APPBP2: variants seen among roughly 807,000 people sequenced by gnomAD.
APPBP2 encodes amyloid beta precursor protein binding protein 2.
Under a neutral mutation model 76.0 loss-of-function variants are expected in APPBP2, and 15 were observed. That is an observed-to-expected ratio of 0.20 (90% CI 0.13 to 0.30). The LOEUF (loss-of-function observed/expected upper bound fraction) is 0.30, where lower values mean the gene tolerates loss of function less well. Among genes scored for constraint, APPBP2 ranks in the 10% least tolerant of loss-of-function variants. The probability of loss-of-function intolerance (pLI) is 1.00; values close to 1 mark genes in which losing one functional copy is unlikely to be tolerated. For synonymous variants in APPBP2, 222 were observed against 242.2 expected, an observed-to-expected ratio of 0.92 and a Z score of 0.77; for missense variants, 401 against 687.2, an observed-to-expected ratio of 0.58 and a Z score of 4.66.
At chr17:60,456,678 C>T (rs1367296043) in intron 9 of APPBP2, among the ~76,000 whole-genome samples, 2 of 152,158 alleles carry the variant, frequency 1.3e-5, no homozygotes, top group African/African-American at 2.4e-5. Context: ...CTCACACCAA[C>T]CCTCTCCGCC....
intron 3 of APPBP2, among the ~76,000 whole-genome samples, chr17:60,483,298 G>A (rs754884338): frequency 7.2e-5 from 11 of 152,064 alleles, no homozygotes; most frequent in Non-Finnish European, 1.5e-4. Context: ...TTGTAAATTC[G>A]CTTAAGTTCT....
At chr17:60,506,814 G>A (rs536575757) in intron 1 of APPBP2, among the ~76,000 whole-genome samples, 2 of 152,192 alleles carry the variant, frequency 1.3e-5, no homozygotes. Flanking sequence ...GAGGCGGGCA[G>A]ATCACGAGGT....
chr17:60,445,462 T>G lies in APPBP2; in HGVS notation c.*2119A>C, dbSNP rs904527642. The stretch of plus-strand genomic sequence containing the variant: ...TACAGATTGAAAAAAAAACTTCATA[T>G]GGAAACATGTTTCAAAATATTTATT... On this transcript the variant is annotated 3_prime_UTR_variant, in exon 13 of 13. Transcript: ENST00000083182. 5 of 152,594 alleles carry G rather than the reference T, an allele frequency of 3.3e-5. No individual in the cohort carries two copies. Among genetic ancestry groups the G allele is most frequent in the Admixed American group, 1.3e-4 (2 of 15,272 alleles). The allele number at this position is 152,594 out of a possible 1,614,324, so 9.5% of individuals were successfully genotyped here.
intron 1 of APPBP2, among the ~76,000 whole-genome samples, chr17:60,509,801 A>G (rs961732348): frequency 2.0e-4 from 30 of 152,184 alleles, no homozygotes; most frequent in African/African-American, 6.5e-4. Flanking sequence ...CTCCATCTCA[A>G]AAAACACAAA....
intron 4 of APPBP2, among the ~76,000 whole-genome samples, chr17:60,469,840 A>G (rs1255185940): frequency 2.0e-5 from 3 of 152,194 alleles, no homozygotes. Context: ...TATAAACACT[A>G]GCACACAAAT....
chr17:60,471,078 T>C (rs2090549037), intron 4 of APPBP2, among the ~76,000 whole-genome samples: 2 of 152,168 alleles, frequency 1.3e-5, no homozygotes, highest in African/African-American at 2.4e-5. Context: ...ATTACAGGTG[T>C]GAGCCACAGG....
intron 5 of APPBP2, 95 bp downstream of exon 5, chr17:60,466,196 A>C: frequency 1.6e-6 from 2 of 1,218,322 alleles, no homozygotes; most frequent in Non-Finnish European, 2.3e-6. Context: ...TATGTAAAAG[A>C]GATCTGTAAG....
At chr17:60,490,395 G>A (rs2090718263) in intron 3 of APPBP2, among the ~76,000 whole-genome samples, 1 of 151,992 alleles carries the variant, frequency 6.6e-6, no homozygotes, top group Non-Finnish European at 1.5e-5. Flanking sequence ...GTTTAATAGA[G>A]AAAAAAGAGC....
At chr17:60,487,359 T>C (rs2090688366) in intron 3 of APPBP2, among the ~76,000 whole-genome samples, 1 of 151,594 alleles carries the variant, frequency 6.6e-6, no homozygotes, top group South Asian at 2.1e-4. Flanking sequence ...TATTTTCACA[T>C]AGTCCTGTAT....
chr17:60,495,245 CAAAGT>C (rs1036963428), intron 2 of APPBP2, among the ~76,000 whole-genome samples: 1 of 151,482 alleles, frequency 6.6e-6, no homozygotes, highest in Non-Finnish European at 1.5e-5. Flanking sequence ...CTCGGCCTCC[CAAAGT>C]GCTGGGATTA....
At chr17:60,458,189 T>TTTAGG (rs375241419) in intron 9 of APPBP2, among the ~76,000 whole-genome samples, 1 of 152,308 alleles carries the variant, frequency 6.6e-6, no homozygotes, top group African/African-American at 2.4e-5. Context: ...GCCTCAGCAC[T>TTTAGG]TTAGGAGGCC....
At chr17:60,524,610 GAAAAAAAAAAAAAAAAA>G (rs35185909) in intron 1 of APPBP2, among the ~76,000 whole-genome samples, 1 of 49,936 alleles carries the variant, frequency 2.0e-5, no homozygotes, top group Non-Finnish European at 5.2e-5. Flanking sequence ...TGCTAATTCT[GAAAAAAAAAAAAAAAAA>G]AAAAAAAAAA....
At chr17:60,470,925 G>C (rs563826434) in intron 4 of APPBP2, among the ~76,000 whole-genome samples, 108 of 152,046 alleles carry the variant, frequency 7.1e-4, no homozygotes, top group African/African-American at 2.4e-3. Context: ...TGAGTAGCTG[G>C]GATTACAGGT....
At chr17:60,485,894 G>A (rs567885578) in intron 3 of APPBP2, among the ~76,000 whole-genome samples, 5 of 152,270 alleles carry the variant, frequency 3.3e-5, no homozygotes, top group Admixed American at 6.5e-5. Context: ...ATTCTGGTTC[G>A]TTGTGTCTTT....
intron 1 of APPBP2, among the ~76,000 whole-genome samples, chr17:60,518,951 T>G (rs2090986596): frequency 6.6e-6 from 1 of 152,176 alleles, no homozygotes; most frequent in Admixed American, 6.5e-5. Context: ...TAAAATTATT[T>G]TTACATTACC....
intron 1 of APPBP2, among the ~76,000 whole-genome samples, chr17:60,510,751 A>G (rs1314985320): frequency 6.6e-6 from 1 of 152,168 alleles, no homozygotes; most frequent in Non-Finnish European, 1.5e-5. Flanking sequence ...GTACTCTGAA[A>G]AACATTATAT....
At chr17:60,448,335 T>C (rs1431916087) in intron 12 of APPBP2, among the ~76,000 whole-genome samples, 1 of 152,164 alleles carries the variant, frequency 6.6e-6, no homozygotes, top group Non-Finnish European at 1.5e-5. Context: ...TGGTGGTGCA[T>C]GCTTGTAATC....
At chr17:60,447,858 A>T in intron 12 of APPBP2, 24 bp from the exon 13 acceptor site, 1 of 1,549,082 alleles carries the variant, frequency 6.5e-7, no homozygotes, top group Non-Finnish European at 8.7e-7. Context: ...GAAAAAGGAA[A>T]AAAAAAAAAG....
At chr17:60,471,836 G>T (rs1276353707) in intron 4 of APPBP2, among the ~76,000 whole-genome samples, 6 of 152,040 alleles carry the variant, frequency 3.9e-5, no homozygotes, top group Non-Finnish European at 4.4e-5. Flanking sequence ...CTTTTAAAAC[G>T]AGTTAGGGGC....
Sources: allele counts gnomAD v4.1 joint callset (sites outside exome capture counted in the v4.1 genomes callset), GRCh38; gene constraint gnomAD v4.1.1; transcripts MANE v1.5; gene names NCBI Gene and HGNC (gene_info 2026-07-23, HGNC 2026-07-21).